The following ASAH1 variants were observed in gnomAD, a reference collection of about 807,000 sequenced individuals.
ASAH1 encodes acid ceramidase.
In ASAH1, 70 loss-of-function variants were observed where a neutral mutation model predicts 59.5. The ratio of observed to expected loss-of-function variants is 1.18; its 90% CI spans 0.97 to 1.43. The LOEUF is 1.43. Ranked by LOEUF, ASAH1 falls within the 40% of genes most tolerant of loss-of-function variation. The probability of loss-of-function intolerance (pLI) is 0.00; values close to 1 mark genes in which losing one functional copy is unlikely to be tolerated. For synonymous variants in ASAH1, 213 were observed against 166.5 expected, an observed-to-expected ratio of 1.28 and a Z score of -2.15; for missense variants, 660 against 482.5, an observed-to-expected ratio of 1.37 and a Z score of -3.45.
At chr8:18,084,513 G>A (rs1392227125), upstream of ASAH1, 44 of 1,364,606 alleles carry the variant, frequency 3.2e-5, 1 homozygote, top group East Asian at 1.1e-3. Context: ...CAACACTAAT[G>A]TAACATCCCA....
intron 3 of ASAH1, among the ~76,000 whole-genome samples, chr8:18,070,677 G>T (rs1800134175): frequency 6.6e-6 from 1 of 152,098 alleles, no homozygotes; most frequent in Non-Finnish European, 1.5e-5. Context: ...TGACATAAAG[G>T]GAAAGAAACA....
rs12547845 is a variant in ASAH1 at position 18,071,411 on chromosome 8, T to C, written c.126-21A>G. ...TGTACCTGTAATGAGAGGTGTATCATCTTGAAATGATGAAAGGGTTTTTTG... is the reference window on the plus strand; with the variant it reads ...TGTACCTGTAATGAGAGGTGTATCACCTTGAAATGATGAAAGGGTTTTTTG... On this transcript the variant is annotated intron_variant, in intron 2 of 13. Coordinates refer to ENST00000637790, the MANE Select transcript of ASAH1 (RefSeq NM_177924.5). 703,124 of 1,467,130 alleles carry C rather than the reference T, an allele frequency of 0.48. 172,590 individuals are homozygous for C. The highest frequency in any genetic ancestry group is 0.61 in the Admixed American group (34,636 of 56,918). 90.9% of individuals were successfully genotyped at this position (1,467,130 alleles called of 1,614,324 possible).
chr8:18,079,488 C>G (rs562337891), intron 1 of ASAH1, among the ~76,000 whole-genome samples: 1 of 150,494 alleles, frequency 6.6e-6, no homozygotes, highest in South Asian at 2.1e-4. Flanking sequence ...TCAATGAAAG[C>G]GCCATACCCT....
At chr8:18,077,787 T>C (rs563515682) in intron 1 of ASAH1, among the ~76,000 whole-genome samples, 31 of 152,316 alleles carry the variant, frequency 2.0e-4, no homozygotes, top group African/African-American at 3.1e-4. Flanking sequence ...TAGAGACTTA[T>C]AGGGGTTGCA....
rs1459460081 is a variant in ASAH1, at chr8:18,056,354, G to C, written c.*1180C>G. 2 of 152,076 alleles carry C rather than the reference G, an allele frequency of 1.3e-5. No homozygotes were observed. The highest frequency in any genetic ancestry group is 2.4e-5 in the African/African-American group (1 of 41,392). The allele number at this position is 152,076 out of a possible 1,614,324, so 9.4% of individuals were successfully genotyped here. ...TACATAACCCTTGTTATTTAATTCA[G>C]ATACGATGTTCAGCTTGTATTTCTT... On this transcript the variant is annotated 3_prime_UTR_variant, in exon 14 of 14. Transcript: ENST00000637790.
chr8:18,074,602 C>G (rs546185641), intron 2 of ASAH1, among the ~76,000 whole-genome samples: 2 of 152,188 alleles, frequency 1.3e-5, no homozygotes, highest in African/African-American at 2.4e-5. Flanking sequence ...ATCACCACCC[C>G]CTATACCTGT....
chr8:18,073,393 T>G (rs1206950745), intron 2 of ASAH1: 1 of 1,054,338 alleles, frequency 9.5e-7, no homozygotes. Flanking sequence ...ATTTCATCAT[T>G]TTTGAGACTT....
At chr8:18,079,293 A>AC (rs1424607494) in intron 1 of ASAH1, among the ~76,000 whole-genome samples, 14 of 151,658 alleles carry the variant, frequency 9.2e-5, no homozygotes, top group African/African-American at 3.1e-4. Flanking sequence ...AAAAAACAAA[A>AC]AACTCTCTGG....
In ASAH1 at chr8:18,084,084, C is replaced by T; in HGVS notation, c.-26G>A. 1.3e-6 allele frequency: 2 copies of T among 1,597,860 alleles called. No individual in the cohort carries two copies. Among genetic ancestry groups the T allele is most frequent in the South Asian group, 1.1e-5 (1 of 91,030 alleles). ...CGCTCTAGCAGCCAACGCCACTCCC[C>T]GGACTCCAGCAGAGGCAAAGAAGAG... is the stretch of plus-strand genomic sequence containing the variant. On this transcript the variant is annotated 5_prime_UTR_variant, in exon 1 of 14. Transcript: ENST00000637790.
intron 2 of ASAH1, 127 bp downstream of exon 2, chr8:18,075,414 C>G: frequency 9.8e-7 from 1 of 1,025,532 alleles, no homozygotes; most frequent in Non-Finnish European, 1.5e-6. Context: ...AGAAACAAAC[C>G]TCTGTCTCGG....
chr8:18,059,693 C>T lies in ASAH1; in HGVS notation c.796G>A (p.Ala266Thr). 1 of 1,613,978 alleles carries T rather than the reference C, an allele frequency of 6.2e-7. No homozygotes were observed. Among genetic ancestry groups the T allele is most frequent in the Non-Finnish European group, 8.5e-7 (1 of 1,179,926 alleles). ...VLENSTSYEEAKNLLTKTKIL... is the reference protein window; with the variant it reads ...VLENSTSYEETKNLLTKTKIL... The stretch of plus-strand genomic sequence containing the variant: ...TTGGTCTTGGTCAATAAATTCTTGG[C>T]TTCTTCATAACTATATAGAAACATT... Residue 266 changes from alanine (A) to threonine (T), a missense_variant, in exon 11 of 14, where the codon GCC (alanine) becomes ACC (threonine). By Grantham distance (58) the Ala-to-Thr change is moderately conservative. Coordinates refer to ENST00000637790, the MANE Select transcript of ASAH1 (RefSeq NM_177924.5).
chr8:18,061,018 G>A (rs1234367), intron 10 of ASAH1: 27,154 of 214,072 alleles, frequency 0.13, 2,803 homozygotes, highest in East Asian at 0.34. Flanking sequence ...CACCCAAAGC[G>A]TGAGGATTAC....
Position 18,074,701 on chromosome 8 carries a change from G to A in ASAH1, c.125+840C>T, listed in dbSNP as rs1182465647. On this transcript the variant is annotated intron_variant, in intron 2 of 13. Transcript: ENST00000637790. ...AGGCCCATTTAAACACTGAGGATTT[G>A]GAAAGACCAAAATCTAGACTAAAAA... Among the ~76,000 whole-genome samples, 10 of 152,136 alleles carry A rather than the reference G, an allele frequency of 6.6e-5. No homozygotes were observed. The East Asian group carries it at 1.9e-3, about 29-fold the overall frequency.
intron 9 of ASAH1, 75 bp downstream of exon 9, chr8:18,061,611 A>T (rs1230658657): frequency 1.3e-5 from 20 of 1,511,794 alleles, no homozygotes; most frequent in Non-Finnish European, 1.8e-5. Context: ...GGACTTTGTA[A>T]CCAGAAGGCA....
At chr8:18,062,866 T>G in intron 7 of ASAH1, 1 of 289,986 alleles carries the variant, frequency 3.4e-6, no homozygotes, top group Non-Finnish European at 6.2e-6. Flanking sequence ...CAGTTCTGTG[T>G]TCTTTTTTTT....
At chr8:18,084,310 C>A, upstream of ASAH1, 1 of 1,428,768 alleles carries the variant, frequency 7.0e-7, no homozygotes, top group Non-Finnish European at 9.1e-7. Context: ...GTCGCGATCG[C>A]CTTTGGCGCG....
chr8:18,074,527 G>C (rs1800308329), intron 2 of ASAH1, among the ~76,000 whole-genome samples: 1 of 152,174 alleles, frequency 6.6e-6, no homozygotes, highest in South Asian at 2.1e-4. Context: ...ACTAGATAGA[G>C]TTGTACTGTT....
intron 12 of ASAH1, 77 bp from the exon 13 acceptor site, chr8:18,058,968 C>T (rs2117016021): frequency 7.7e-7 from 1 of 1,297,306 alleles, no homozygotes; most frequent in Admixed American, 1.7e-5. Flanking sequence ...CATGGGCCAC[C>T]AGAAACCAAG....
Position 18,084,094 on chromosome 8 carries a change from C to T in ASAH1, c.-36G>A, listed in dbSNP as rs1410876970. ...GCCAACGCCACTCCCCGGACTCCAG[C>T]AGAGGCAAAGAAGAGCCGGCTGGGC... On this transcript the variant is annotated 5_prime_UTR_variant, in exon 1 of 14. Transcript: ENST00000637790. The T allele has an allele frequency of 1.3e-6, 2 of 1,597,090 alleles. No homozygotes were observed. Among genetic ancestry groups the T allele is most frequent in the African/African-American group, 1.3e-5 (1 of 74,906 alleles).
Sources: gnomAD v4.1 joint callset for allele counts (sites outside exome capture counted in the v4.1 genomes callset) on GRCh38, gnomAD v4.1.1 for gene constraint, MANE v1.5 for transcripts, NCBI Gene and HGNC (gene_info 2026-07-23, HGNC 2026-07-21) for gene names.